The following LRIG3 variants were observed in gnomAD, a reference collection of about 807,000 sequenced individuals.
The protein encoded by LRIG3 is leucine rich repeats and immunoglobulin like domains 3.
LRIG3 carries 76 observed loss-of-function variants against 114.5 expected under a neutral mutation model. The ratio of observed to expected loss-of-function variants is 0.66; its 90% CI spans 0.55 to 0.80. The LOEUF is 0.80. LRIG3 is among the 30% of genes least tolerant of loss of function. LRIG3 has a pLI of 0.00. For synonymous variants in LRIG3, 512 were observed against 519.8 expected, an observed-to-expected ratio of 0.98 and a Z score of 0.20; for missense variants, 1,239 against 1,382.8, an observed-to-expected ratio of 0.90 and a Z score of 1.65.
Position 58,887,474 on chromosome 12 carries a change from A to C in LRIG3, c.1091+315T>G, listed in dbSNP as rs1871312878. On this transcript the variant is annotated intron_variant, in intron 8 of 18. Transcript: ENST00000320743. The stretch of plus-strand genomic sequence containing the variant: ...GACCTTTTTGCTCTAAGTAATTTTT[A>C]ATCTGTATTTTACAAAGAAAAACTT... Among the ~76,000 whole-genome samples, 4 of 151,394 alleles carry C rather than the reference A, an allele frequency of 2.6e-5. No individual in the cohort carries two copies. The South Asian group carries it at 8.3e-4, about 31-fold the overall frequency.
intron 5 of LRIG3, among the ~76,000 whole-genome samples, chr12:58,889,586 G>T (rs1871383130): frequency 6.6e-6 from 1 of 152,036 alleles, no homozygotes; most frequent in Admixed American, 6.6e-5. Flanking sequence ...TATTGCAGGA[G>T]TCTGTTCACA....
At chr12:58,899,761 AGC>A (rs1871776436) in intron 3 of LRIG3, among the ~76,000 whole-genome samples, 1 of 152,154 alleles carries the variant, frequency 6.6e-6, no homozygotes, top group Admixed American at 6.5e-5. Context: ...CAGCACTAAA[AGC>A]CTTCTGAGGG....
chr12:58,885,601 T>C (rs901731492), intron 10 of LRIG3, among the ~76,000 whole-genome samples: 3 of 152,144 alleles, frequency 2.0e-5, no homozygotes, highest in Non-Finnish European at 4.4e-5. Context: ...GATATAGCTT[T>C]TGTTCTTAAA....
intron 4 of LRIG3, among the ~76,000 whole-genome samples, chr12:58,890,434 A>C (rs1286995028): frequency 3.9e-5 from 6 of 152,148 alleles, no homozygotes; most frequent in South Asian, 4.1e-4. Context: ...AAAAATGAGC[A>C]CTTTTCACAC....
At chr12:58,905,463 G>A (rs191072459) in intron 3 of LRIG3, among the ~76,000 whole-genome samples, 1 of 152,272 alleles carries the variant, frequency 6.6e-6, no homozygotes, top group Admixed American at 6.5e-5. Context: ...TAAGACTTGA[G>A]CTGCATAAGT....
chr12:58,919,692 T>C (rs1288463821), intron 1 of LRIG3: 7 of 1,076,518 alleles, frequency 6.5e-6, no homozygotes, highest in African/African-American at 1.6e-5. Flanking sequence ...TTTGAACCCC[T>C]TGGCTAGCTT....
chr12:58,912,601 C>T (rs1385974139), intron 3 of LRIG3, among the ~76,000 whole-genome samples: 1 of 152,200 alleles, frequency 6.6e-6, no homozygotes, highest in East Asian at 1.9e-4. Context: ...GACTGCTTTC[C>T]CCATGCTGCC....
At position 58,879,060 on chromosome 12, in the gene LRIG3, G is replaced by T. The variant is rs1340071028; in HGVS notation, c.1847C>A (p.Ala616Asp). ...TKTPMDLTIR[A>D]GAMARLECAA... ...ACACTCCAAGCGTGCCATGGCCCCAGCTCGGATGGTGAGATCCATGGGGGT... is the reference window on the plus strand; with the variant it reads ...ACACTCCAAGCGTGCCATGGCCCCATCTCGGATGGTGAGATCCATGGGGGT... Residue 616 changes from alanine (A) to aspartate (D), a missense_variant, in exon 14 of 19, where the codon GCT becomes GAT. Physicochemically the swap from Ala to Asp is moderately radical, Grantham distance 126. Transcript: ENST00000320743. The T allele has an allele frequency of 3.1e-6, 5 of 1,613,964 alleles. No homozygotes were observed. The highest frequency in any genetic ancestry group is 1.7e-5 in the Admixed American group (1 of 60,010).
At chr12:58,902,386 TCCTAC>T (rs1565621299) in intron 3 of LRIG3, among the ~76,000 whole-genome samples, 1 of 152,140 alleles carries the variant, frequency 6.6e-6, no homozygotes, top group Non-Finnish European at 1.5e-5. Context: ...ACTATGTTTA[TCCTAC>T]CCTGTATGGT....
chr12:58,885,614 C>T (rs1454469273), intron 10 of LRIG3, among the ~76,000 whole-genome samples: 1 of 151,046 alleles, frequency 6.6e-6, no homozygotes, highest in African/African-American at 2.4e-5. Context: ...TTCTTAAATA[C>T]AAAGGAAAGC....
At chr12:58,887,686 C>A in intron 8 of LRIG3, 103 bp downstream of exon 8, 1 of 1,181,800 alleles carries the variant, frequency 8.5e-7, no homozygotes, top group Non-Finnish European at 1.2e-6. Context: ...ACTTCTGAGG[C>A]TGTATGCATT....
chr12:58,905,114 C>G (rs1441909771), intron 3 of LRIG3, among the ~76,000 whole-genome samples: 1 of 152,074 alleles, frequency 6.6e-6, no homozygotes, highest in Non-Finnish European at 1.5e-5. Context: ...GCTCAATGGG[C>G]CAACAGGATG....
In LRIG3 at chr12:58,874,340, A is replaced by C. The variant is rs546069057; in HGVS notation, c.2840-10T>G. The C allele has an allele frequency of 6.2e-7, 1 of 1,606,772 alleles. No individual in the cohort carries two copies. The highest frequency in any genetic ancestry group is 1.3e-5 in the African/African-American group (1 of 74,496). On this transcript the variant is annotated splice_polypyrimidine_tract_variant and intron_variant, in intron 17 of 18. Transcript: ENST00000320743. ...GGGTCAGGACTGCAACCTTTTTAAT[A>C]TGGGGGCAGTAACAGAAGGAGATTA...
Position 58,877,806 on chromosome 12 carries a change from C to G in LRIG3, c.2130G>C (p.Lys710Asn). 3 of 1,613,926 alleles carry G rather than the reference C, an allele frequency of 1.9e-6. No individual in the cohort carries two copies. Among genetic ancestry groups the G allele is most frequent in the Non-Finnish European group, 2.5e-6 (3 of 1,179,810 alleles). The change falls in exon 15 of 19, where the codon AAG becomes AAC. Residue 710 changes from lysine (K) to asparagine (N), a missense_variant. Lys to Asn is a moderately conservative substitution (Grantham distance 94). Transcript: ENST00000320743. The part of the protein sequence containing the change: ...LRPLLDRTVT[K>N]GETAVLQCIA... ...TGCACTGTAGGACGGCTGTTTCTCCCTTGGTTACAGTTCGGTCCAACAGTG... is the reference window on the plus strand; with the variant it reads ...TGCACTGTAGGACGGCTGTTTCTCCGTTGGTTACAGTTCGGTCCAACAGTG...
chr12:58,882,783 TA>T, intron 12 of LRIG3, 85 bp downstream of exon 12: 6 of 1,399,984 alleles, frequency 4.3e-6, no homozygotes, highest in Non-Finnish European at 5.8e-6. Context: ...AAAGAGATCA[TA>T]AATCTATTCA....
At chr12:58,911,379 T>C (rs570251812) in intron 3 of LRIG3, among the ~76,000 whole-genome samples, 2 of 152,324 alleles carry the variant, frequency 1.3e-5, no homozygotes, top group African/African-American at 4.8e-5. Flanking sequence ...GGGGTCTTCA[T>C]GGCACAGAGT....
At chr12:58,893,199 G>C (rs1299466241) in intron 3 of LRIG3, among the ~76,000 whole-genome samples, 1 of 152,156 alleles carries the variant, frequency 6.6e-6, no homozygotes. Flanking sequence ...GACAAAACGG[G>C]CATACATTTT....
At position 58,919,986 on chromosome 12, in the gene LRIG3, G is replaced by A. The variant is rs529213582; in HGVS notation, c.236+14C>T. ...GCGGCCCGGGCCCCCTCCCCCCGCG[G>A]GAAGAATACTTACAGCCGAGCGACC... On this transcript the variant is annotated intron_variant, in intron 1 of 18. Coordinates refer to ENST00000320743, the MANE Select transcript of LRIG3 (RefSeq NM_153377.5). 2 of 1,549,622 alleles carry A rather than the reference G, an allele frequency of 1.3e-6. No individual in the cohort carries two copies. Among genetic ancestry groups the A allele is most frequent in the South Asian group, 1.2e-5 (1 of 84,062 alleles).
intron 16 of LRIG3, among the ~76,000 whole-genome samples, chr12:58,875,477 G>A (rs1428982287): frequency 2.6e-5 from 4 of 152,196 alleles, no homozygotes; most frequent in Admixed American, 6.5e-5. Context: ...GGCACAGAGC[G>A]TATAATAAAT....
Sources: allele counts gnomAD v4.1 joint callset (sites outside exome capture counted in the v4.1 genomes callset), GRCh38; gene constraint gnomAD v4.1.1; transcripts MANE v1.5; gene names NCBI Gene and HGNC (gene_info 2026-07-23, HGNC 2026-07-21).